The following CREB5 variants were observed in gnomAD, a reference collection of about 807,000 sequenced individuals.
CREB5 encodes cyclic AMP-responsive element-binding protein 5.
CREB5 carries 19 observed loss-of-function variants against 57.1 expected under a neutral mutation model. The ratio of observed to expected loss-of-function variants is 0.33; its 90% CI spans 0.23 to 0.49. CREB5 has a LOEUF of 0.49. CREB5 is among the 20% of genes least tolerant of loss of function. The probability of loss-of-function intolerance (pLI) is 0.99; values close to 1 mark genes in which losing one functional copy is unlikely to be tolerated. For missense variants in CREB5, 579 were observed against 671.6 expected (o/e 0.86, Z 1.52); for synonymous variants, 238 against 238.3 (o/e 1.00, Z 0.01).
At chr7:28,661,889 T>C (rs1799624396) in intron 5 of CREB5, among the ~76,000 whole-genome samples, 1 of 152,254 alleles carries the variant, frequency 6.6e-6, no homozygotes. Context: ...GACAACTGCT[T>C]TTCCTGTAAC....
intron 1 of CREB5, among the ~76,000 whole-genome samples, chr7:28,449,302 C>G (rs550874576): frequency 1.4e-4 from 21 of 152,224 alleles, no homozygotes; most frequent in Non-Finnish European, 2.5e-4. Context: ...TGTAACATCT[C>G]TTAAGTCTCT....
chr7:28,503,708 A>G (rs1470912712), intron 3 of CREB5, among the ~76,000 whole-genome samples: 1 of 152,128 alleles, frequency 6.6e-6, no homozygotes, highest in Non-Finnish European at 1.5e-5. Context: ...GTCTGCTCTT[A>G]AAAAAGATTG....
intron 7 of CREB5, among the ~76,000 whole-genome samples, chr7:28,799,932 T>C (rs192522879): frequency 6.6e-6 from 1 of 152,326 alleles, no homozygotes; most frequent in Non-Finnish European, 1.5e-5. Flanking sequence ...AATGCTGCAT[T>C]TATCATAAGC....
chr7:28,671,751 G>A (rs56033586), intron 5 of CREB5, among the ~76,000 whole-genome samples: 9,939 of 152,222 alleles, frequency 0.065, 425 homozygotes, highest in South Asian at 0.14. Context: ...ACTCTGCCAC[G>A]TGCCAGCTGT....
At chr7:28,411,593 C>G (rs952932657), upstream of CREB5, among the ~76,000 whole-genome samples, 15 of 151,572 alleles carry the variant, frequency 9.9e-5, no homozygotes, top group Non-Finnish European at 1.5e-5. Flanking sequence ...AGGTGTGCAG[C>G]AGAAATTAAA....
At chr7:28,599,664 A>G (rs1179378805) in intron 5 of CREB5, among the ~76,000 whole-genome samples, 1 of 152,100 alleles carries the variant, frequency 6.6e-6, no homozygotes, top group Non-Finnish European at 1.5e-5. Context: ...AAATTCCAAC[A>G]CCTATTTCTA....
intron 1 of CREB5, among the ~76,000 whole-genome samples, chr7:28,451,482 G>T (rs140994269): frequency 8.1e-6 from 1 of 122,856 alleles, no homozygotes; most frequent in Admixed American, 8.7e-5. Context: ...GTGTGTGTGT[G>T]TGTGTGTGTG....
Position 28,598,297 on chromosome 7 carries a change from G to A in CREB5, c.464+27760G>A, listed in dbSNP as rs573319738. ...GAAGTGCTTTTTCACCTTCCGCCAT[G>A]ATCCCCAGCCAGGTGGAACTGTAAG... On this transcript the variant is annotated intron_variant, in intron 5 of 10. Coordinates refer to ENST00000357727, the MANE Select transcript of CREB5 (RefSeq NM_182898.4). Among the ~76,000 whole-genome samples, 25 of 152,228 alleles carry A rather than the reference G, an allele frequency of 1.6e-4. No individual in the cohort carries two copies. The South Asian group carries it at 5.2e-3, about 32-fold the overall frequency.
intron 5 of CREB5, among the ~76,000 whole-genome samples, chr7:28,571,915 G>T (rs1295304696): frequency 2.0e-5 from 3 of 152,168 alleles, no homozygotes; most frequent in Non-Finnish European, 4.4e-5. Context: ...AATGAGAAGG[G>T]GCGCTTGCTG....
At chr7:28,646,276 CCAT>C (rs947345163) in intron 5 of CREB5, among the ~76,000 whole-genome samples, 1 of 152,122 alleles carries the variant, frequency 6.6e-6, no homozygotes, top group African/African-American at 2.4e-5. Flanking sequence ...TCTTATTTTT[CCAT>C]GAGCAATTTT....
chr7:28,637,011 A>G (rs160362), intron 5 of CREB5, among the ~76,000 whole-genome samples: 12,996 of 151,952 alleles, frequency 0.086, 648 homozygotes, highest in Non-Finnish European at 0.11. Context: ...AAAATTAGCC[A>G]GGTATGGTAG....
At chr7:28,643,751 T>TTGG (rs5883161) in intron 5 of CREB5, among the ~76,000 whole-genome samples, 2 of 133,530 alleles carry the variant, frequency 1.5e-5, no homozygotes, top group Admixed American at 7.3e-5. Flanking sequence ...GTTTGGGAGG[T>TTGG]GGGGGGGGGC....
chr7:28,698,001 C>G (rs1393589629), intron 5 of CREB5, among the ~76,000 whole-genome samples: 1 of 152,112 alleles, frequency 6.6e-6, no homozygotes, highest in Non-Finnish European at 1.5e-5. Context: ...GCTCATAAGA[C>G]TTCTTGAACA....
intron 1 of CREB5, among the ~76,000 whole-genome samples, chr7:28,315,047 T>C (rs1320391088): frequency 6.6e-6 from 1 of 152,208 alleles, no homozygotes; most frequent in African/African-American, 2.4e-5. Flanking sequence ...TTGAAGTCAG[T>C]AGGAGATAAG....
intron 1 of CREB5, among the ~76,000 whole-genome samples, chr7:28,403,039 C>T (rs933737398): frequency 6.6e-6 from 1 of 152,282 alleles, no homozygotes; most frequent in Non-Finnish European, 1.5e-5. Flanking sequence ...AAAACTAAAT[C>T]ATACTAGGGT....
chr7:28,618,140 AGGGGAGCTGGAGGGG>A (rs1797662597), intron 5 of CREB5, among the ~76,000 whole-genome samples: 4 of 152,194 alleles, frequency 2.6e-5, no homozygotes, highest in Non-Finnish European at 5.9e-5. Flanking sequence ...AACTTCAGCT[AGGGGAGCTGGAGGGG>A]ACTATCAGTC....
At chr7:28,509,355 A>G (rs559003717) in intron 4 of CREB5, among the ~76,000 whole-genome samples, 2 of 152,314 alleles carry the variant, frequency 1.3e-5, no homozygotes, top group African/African-American at 4.8e-5. Flanking sequence ...TGTGTGAGGA[A>G]ATTCTTGCAG....
At chr7:28,454,846 T>C (rs1007522623) in intron 1 of CREB5, among the ~76,000 whole-genome samples, 1 of 152,198 alleles carries the variant, frequency 6.6e-6, no homozygotes, top group Non-Finnish European at 1.5e-5. Context: ...TAACGGAATG[T>C]GACCCAGGGC....
Position 28,818,056 on chromosome 7 carries a change from A to G in CREB5, c.1255-15A>G, listed in dbSNP as rs1331885323. The G allele has an allele frequency of 6.2e-7, 1 of 1,603,966 alleles. No individual in the cohort carries two copies. The highest frequency in any genetic ancestry group is 8.5e-7 in the Non-Finnish European group (1 of 1,172,420). On this transcript the variant is annotated splice_polypyrimidine_tract_variant and intron_variant, in intron 9 of 10. Transcript: ENST00000357727. ...CTGGTCTTCTCAACATGGTTTTAATACATATCTCTTTTAGAATGAAGTGTC... is the reference window on the plus strand; with the variant it reads ...CTGGTCTTCTCAACATGGTTTTAATGCATATCTCTTTTAGAATGAAGTGTC...
Sources: gnomAD v4.1 joint callset for allele counts (sites outside exome capture counted in the v4.1 genomes callset) on GRCh38, gnomAD v4.1.1 for gene constraint, MANE v1.5 for transcripts, NCBI Gene and HGNC (gene_info 2026-07-23, HGNC 2026-07-21) for gene names.